The following STK32A variants were observed in gnomAD, a reference collection of about 807,000 sequenced individuals.
STK32A encodes the protein serine/threonine kinase 32A.
Under a neutral mutation model 53.2 loss-of-function variants are expected in STK32A, and 41 were observed. The observed-to-expected ratio is 0.77, with a 90% confidence interval of 0.60 to 1.00. The LOEUF (loss-of-function observed/expected upper bound fraction) is 1.00. Ranked by LOEUF, STK32A falls within the 50% of genes least tolerant of loss-of-function variation. The probability of loss-of-function intolerance (pLI) is 0.00; values close to 1 mark genes in which losing one functional copy is unlikely to be tolerated. For missense variants in STK32A, 458 were observed against 485.8 expected, an observed-to-expected ratio of 0.94 and a Z score of 0.54; for synonymous variants, 166 against 162.8, an observed-to-expected ratio of 1.02 and a Z score of -0.15.
chr5:147,348,906 T>C lies in STK32A; in HGVS notation c.473-2159T>C, dbSNP rs116768884. 1.9e-4 allele frequency: 106 copies of C among 571,596 alleles called. No individual in the cohort carries two copies. In the African/African-American group the frequency reaches 1.9e-3, roughly 10 times the overall value. The allele number at this position is 571,596 out of a possible 1,614,324, so 35.4% of individuals were successfully genotyped here. ...CCTCTTGAGAAGACTATGATTATCT[T>C]TCCAACTTTACAGAGAGGATAAGTG... On this transcript the variant is annotated intron_variant, in intron 6 of 12. Coordinates refer to ENST00000397936, the MANE Select transcript of STK32A (RefSeq NM_001112724.2).
intron 2 of STK32A, among the ~76,000 whole-genome samples, chr5:147,254,712 C>G (rs938578978): frequency 1.3e-5 from 2 of 152,020 alleles, no homozygotes; most frequent in African/African-American, 4.8e-5. Flanking sequence ...AAGAGAATGA[C>G]GGGGTGAGGG....
At chr5:147,274,129 A>T (rs1755155135) in intron 2 of STK32A, among the ~76,000 whole-genome samples, 2 of 152,232 alleles carry the variant, frequency 1.3e-5, no homozygotes, top group Non-Finnish European at 2.9e-5. Context: ...TTTGTGTGTT[A>T]ACGTGGTATA....
chr5:147,397,919 T>G, the STK32A span: 1 of 1,392,250 alleles, frequency 7.2e-7, no homozygotes, highest in African/African-American at 1.4e-5. Context: ...CCTTGAGACC[T>G]TCAGTGTCAT....
the STK32A span, chr5:147,401,433 C>A: frequency 7.7e-7 from 1 of 1,298,892 alleles, no homozygotes; most frequent in Non-Finnish European, 1.0e-6. Context: ...GTTCACACTG[C>A]AGACTCTGGT....
intron 2 of STK32A, among the ~76,000 whole-genome samples, chr5:147,260,955 G>C (rs186381050): frequency 2.0e-4 from 30 of 152,348 alleles, no homozygotes; most frequent in African/African-American, 5.8e-4. Flanking sequence ...GGCTGCCGCG[G>C]CTTCTCCTTC....
At chr5:147,324,755 A>G (rs1754496432) in intron 5 of STK32A, among the ~76,000 whole-genome samples, 1 of 152,250 alleles carries the variant, frequency 6.6e-6, no homozygotes, top group African/African-American at 2.4e-5. Context: ...CTAGAATTAC[A>G]TATGAAAAAA....
the STK32A span, chr5:147,397,783 G>A: frequency 1.2e-6 from 2 of 1,614,076 alleles, no homozygotes; most frequent in Non-Finnish European, 1.7e-6. Flanking sequence ...TCTTGCCCTG[G>A]CAGATGACAA....
At chr5:147,399,457 G>A in the STK32A span, among the ~76,000 whole-genome samples, 2 of 149,742 alleles carry the variant, frequency 1.3e-5, no homozygotes, top group African/African-American at 2.4e-5. Context: ...TCAAACACAT[G>A]GTTTAAGATA....
At chr5:147,273,076 T>C (rs1755113123) in intron 2 of STK32A, among the ~76,000 whole-genome samples, 1 of 152,232 alleles carries the variant, frequency 6.6e-6, no homozygotes, top group Non-Finnish European at 1.5e-5. Context: ...TACAAGGGTC[T>C]TCTCTGAAAT....
chr5:147,255,820 A>G (rs1754208580), intron 2 of STK32A, among the ~76,000 whole-genome samples: 1 of 152,198 alleles, frequency 6.6e-6, no homozygotes. Context: ...CTACATTTTT[A>G]TTAATTGTCA....
rs768581656 is a variant in STK32A, at chr5:147,360,968, C to G, written c.563-549C>G. Among the ~76,000 whole-genome samples, 95 of 152,316 alleles carry G rather than the reference C, an allele frequency of 6.2e-4. 2 individuals are homozygous for G. The highest frequency in any genetic ancestry group is 3.4e-3 in the Middle Eastern group (1 of 294). On this transcript the variant is annotated intron_variant, in intron 7 of 12. Transcript: ENST00000397936. ...GTTACAAAGTGTAAAGAACCCACAG[C>G]TGTTGTAAAACCTTACACTCTCCAG...
chr5:147,348,905 T>C (rs1201232376), intron 6 of STK32A: 1 of 571,526 alleles, frequency 1.7e-6, no homozygotes, highest in Non-Finnish European at 3.2e-6. Flanking sequence ...TATGATTATC[T>C]TTCCAACTTT....
intron 11 of STK32A, among the ~76,000 whole-genome samples, chr5:147,376,655 G>A (rs757602241): frequency 2.0e-5 from 3 of 152,052 alleles, no homozygotes; most frequent in Non-Finnish European, 2.9e-5. Context: ...CAACCTCACA[G>A]GCCCTGCAAG....
chr5:147,379,633 C>T (rs185874038), intron 11 of STK32A, among the ~76,000 whole-genome samples: 13 of 152,210 alleles, frequency 8.5e-5, no homozygotes, highest in Admixed American at 4.6e-4. Flanking sequence ...TCCACTTTAT[C>T]TTGCTCTGCT....
intron 7 of STK32A, 140 bp downstream of exon 7, chr5:147,351,294 C>G (rs1755965699): frequency 1.5e-6 from 1 of 684,214 alleles, no homozygotes; most frequent in Admixed American, 2.8e-5. Flanking sequence ...TTTCATGGGT[C>G]TTCTCCACTA....
chr5:147,394,222 G>T, the STK32A span: 8 of 1,206,456 alleles, frequency 6.6e-6, no homozygotes, highest in Non-Finnish European at 9.6e-6. Context: ...AAGAGTGCAA[G>T]ATATGAAGTG....
intron 5 of STK32A, among the ~76,000 whole-genome samples, chr5:147,335,685 C>T (rs751694532): frequency 2.3e-4 from 35 of 152,328 alleles, no homozygotes; most frequent in South Asian, 6.2e-4. Flanking sequence ...AATAACAGGG[C>T]CTGTGGGATG....
intron 5 of STK32A, chr5:147,342,756 G>A (rs183716058): frequency 1.5e-5 from 7 of 468,168 alleles, no homozygotes; most frequent in South Asian, 4.0e-5. Flanking sequence ...GAATGAGAGA[G>A]GCCTTGGTTC....
intron 8 of STK32A, among the ~76,000 whole-genome samples, chr5:147,364,894 T>TACTC (rs1561749393): frequency 6.6e-6 from 1 of 152,200 alleles, no homozygotes; most frequent in African/African-American, 2.4e-5. Context: ...ACAGGTTGTA[T>TACTC]ACTCTCAAGG....
Sources: gnomAD v4.1 joint callset for allele counts (sites outside exome capture counted in the v4.1 genomes callset) on GRCh38, gnomAD v4.1.1 for gene constraint, MANE v1.5 for transcripts, NCBI Gene and HGNC (gene_info 2026-07-23, HGNC 2026-07-21) for gene names.